Variants in PRDM8 observed in about 807,000 individuals in gnomAD.
PRDM8 encodes PR domain zinc finger protein 8.
PRDM8 carries 13 observed loss-of-function variants against 46.5 expected under a neutral mutation model. The observed-to-expected ratio is 0.28, with a 90% CI of 0.18 to 0.44. The LOEUF is 0.44. Ranked by LOEUF, PRDM8 falls within the 20% of genes least tolerant of loss-of-function variation. PRDM8 has a pLI of 1.00. For synonymous variants in PRDM8, 473 were observed against 438.4 expected (o/e 1.08, Z -0.98); for missense variants, 998 against 955.0 (o/e 1.04, Z -0.59).
chr4:80,192,252 A>G (rs1737605933), intron 2 of PRDM8, among the ~76,000 whole-genome samples: 1 of 152,170 alleles, frequency 6.6e-6, no homozygotes, highest in East Asian at 1.9e-4. Flanking sequence ...TAGTCTGCCC[A>G]GGATATATAT....
rs576717761 is a variant in PRDM8, at chr4:80,197,708, A to G, written c.-58A>G. The G allele has an allele frequency of 3.7e-5, 36 of 982,902 alleles. No homozygotes were observed. The African/African-American group carries it at 5.6e-4, about 15-fold the overall frequency. 60.9% of individuals were successfully genotyped at this position (982,902 alleles called of 1,614,324 possible). ...TAGGCAAAAGGAAACACTCGATTGC[A>G]TCTTCCCGGTTCCAGGTGGCCTTAT... On this transcript the variant is annotated 5_prime_UTR_variant, in exon 1 of 4. Coordinates refer to ENST00000415738, the MANE Select transcript of PRDM8 (RefSeq NM_001099403.2).
intron 1 of PRDM8, among the ~76,000 whole-genome samples, chr4:80,190,893 C>T (rs937393775): frequency 1.3e-5 from 2 of 152,128 alleles, no homozygotes; most frequent in South Asian, 2.1e-4. Context: ...TAGGGGAACC[C>T]CACTTATCTG....
chr4:80,193,801 C>A (rs886195791), upstream of PRDM8, among the ~76,000 whole-genome samples: 2 of 152,164 alleles, frequency 1.3e-5, no homozygotes, highest in East Asian at 3.9e-4. Context: ...TTTTTCCCCC[C>A]CTTTCACCAT....
upstream of PRDM8, chr4:80,197,325 G>T (rs937816653): frequency 1.0e-6 from 1 of 964,892 alleles, no homozygotes; most frequent in East Asian, 1.2e-4. Context: ...GTTGCCACCC[G>T]GGGTAGGCGC....
At position 80,202,803 on chromosome 4, in the gene PRDM8, C is replaced by A. The variant is rs1274600417; in HGVS notation, c.1341C>A (p.Ser447Arg). Residue 447 changes from serine to arginine, a missense_variant, in exon 4 of 4, where the codon AGC becomes AGA. By Grantham distance (110) the Ser-to-Arg change is moderately radical (BLOSUM62 -1). Transcript: ENST00000415738. ...CGCGGCCTGGGGGCCCGCTGCCCAG[C>A]CGGCTCGAGGGCGGCAGTCCTGCGA... is the stretch of plus-strand genomic sequence containing the variant. ...LAPRPGGPLP[S>R]RLEGGSPARG... is the part of the protein sequence containing the mutation. 7.3e-6 allele frequency: 9 copies of A among 1,228,094 alleles called. No individual in the cohort carries two copies. The highest frequency in any genetic ancestry group is 3.1e-4 in the Middle Eastern group (1 of 3,182). 76.1% of individuals were successfully genotyped at this position (1,228,094 alleles called of 1,614,324 possible).
In PRDM8 at chr4:80,204,163, A is replaced by T. The variant is rs981413941; in HGVS notation, c.*631A>T. 2 of 152,658 alleles carry T rather than the reference A, an allele frequency of 1.3e-5. No homozygotes were observed. The highest frequency in any genetic ancestry group is 1.3e-4 in the Admixed American group (2 of 15,286). The allele number at this position is 152,658 out of a possible 1,614,324, so 9.5% of individuals were successfully genotyped here. On this transcript the variant is annotated 3_prime_UTR_variant, in exon 4 of 4. Coordinates refer to ENST00000415738, the MANE Select transcript of PRDM8 (RefSeq NM_001099403.2). The stretch of plus-strand genomic sequence containing the variant: ...ACTTCAATGAAGAATGTCATCAATT[A>T]TGTACATATGTATTTTCTTTTAATA...
chr4:80,203,084 C>T lies in PRDM8; in HGVS notation c.1622C>T (p.Ala541Val). 1 of 1,569,636 alleles carries T rather than the reference C, an allele frequency of 6.4e-7. No homozygotes were observed. Residue 541 changes from alanine to valine, a missense_variant, in exon 4 of 4, where the codon GCC becomes GTC. Physicochemically the swap from Ala to Val is moderately conservative, Grantham distance 64. Transcript: ENST00000415738. ...GGCCCCACCAGACTCTATCCCGCCGCCGCGGACCCTCTAGCGGTGAAGCTC... is the reference window on the plus strand; with the variant it reads ...GGCCCCACCAGACTCTATCCCGCCGTCGCGGACCCTCTAGCGGTGAAGCTC... ...GVGPTRLYPA[A>V]ADPLAVKLQG...
chr4:80,197,792 G>A (rs201943371), intron 1 of PRDM8, 29 bp downstream of exon 1: 3 of 984,874 alleles, frequency 3.0e-6, no homozygotes, highest in Non-Finnish European at 3.6e-6. Context: ...ATGTGGGAGG[G>A]GGATGGGAGG....
At chr4:80,189,442 C>T (rs7671372) in intron 1 of PRDM8, among the ~76,000 whole-genome samples, 11,113 of 151,856 alleles carry the variant, frequency 0.073, 716 homozygotes, top group African/African-American at 0.17. Flanking sequence ...GGGAGGTGCG[C>T]GGTGCGGGCT....
At chr4:80,185,768 G>A (rs555809097) in intron 1 of PRDM8, among the ~76,000 whole-genome samples, 326 of 152,302 alleles carry the variant, frequency 2.1e-3, no homozygotes, top group Middle Eastern at 0.01. Flanking sequence ...CTATCATGTC[G>A]TTCAATTAAT....
At chr4:80,190,775 G>A (rs1358985001) in intron 1 of PRDM8, among the ~76,000 whole-genome samples, 1 of 152,198 alleles carries the variant, frequency 6.6e-6, no homozygotes, top group Non-Finnish European at 1.5e-5. Flanking sequence ...AAACTCAGCT[G>A]TGTGGGGCCT....
chr4:80,190,801 A>T (rs1366494918), intron 1 of PRDM8, among the ~76,000 whole-genome samples: 2 of 152,142 alleles, frequency 1.3e-5, no homozygotes, highest in East Asian at 3.9e-4. Flanking sequence ...AGGAGCAGCT[A>T]ATTCAGTCCC....
At chr4:80,197,257 GCA>G, upstream of PRDM8, 1 of 984,270 alleles carries the variant, frequency 1.0e-6, no homozygotes, top group South Asian at 4.7e-5. Flanking sequence ...TCCCCTCCTA[GCA>G]GTCCCAGAGG....
intron 1 of PRDM8, among the ~76,000 whole-genome samples, chr4:80,188,264 G>A (rs924240751): frequency 9.9e-5 from 15 of 152,248 alleles, no homozygotes; most frequent in Middle Eastern, 6.8e-3. Context: ...TTTAAACTTT[G>A]GGCATTTCTT....
At chr4:80,193,809 C>T (rs1462533287), upstream of PRDM8, among the ~76,000 whole-genome samples, 2 of 152,176 alleles carry the variant, frequency 1.3e-5, no homozygotes, top group East Asian at 3.9e-4. Flanking sequence ...CCCCTTTCAC[C>T]ATGAATTGCC....
chr4:80,185,836 A>G (rs1459167367), intron 1 of PRDM8, among the ~76,000 whole-genome samples: 3 of 152,090 alleles, frequency 2.0e-5, no homozygotes, highest in Admixed American at 2.0e-4. Context: ...CATAATCGTA[A>G]TTTGCGTCAT....
At position 80,202,568 on chromosome 4, in the gene PRDM8, G is replaced by C. The variant is rs1248916261; in HGVS notation, c.1106G>C (p.Arg369Pro). The C allele has an allele frequency of 2.6e-6, 4 of 1,534,260 alleles. No individual in the cohort carries two copies. The East Asian group carries it at 9.8e-5, about 38-fold the overall frequency. ...GSYFGLEENG[R>P]LFAPPSPETG... Reference sequence around the variant, plus strand: ...TACTTCGGCCTGGAAGAGAACGGCCGCCTCTTCGCGCCGCCAAGTCCCGAG... The same window carrying C: ...TACTTCGGCCTGGAAGAGAACGGCCCCCTCTTCGCGCCGCCAAGTCCCGAG... The change falls in exon 4 of 4, where the codon CGC becomes CCC. Residue 369 changes from arginine (R) to proline (P), a missense_variant. By Grantham distance (103) the Arg-to-Pro change is moderately radical. Coordinates refer to ENST00000415738, the MANE Select transcript of PRDM8 (RefSeq NM_001099403.2).
chr4:80,201,196 G>C, intron 2 of PRDM8, 94 bp from the exon 3 acceptor site: 1 of 1,232,440 alleles, frequency 8.1e-7, no homozygotes. Flanking sequence ...GACTAACATA[G>C]AAGAAATGGT....
intron 1 of PRDM8, among the ~76,000 whole-genome samples, chr4:80,189,092 G>A (rs1737344762): frequency 6.6e-6 from 1 of 152,308 alleles, no homozygotes; most frequent in African/African-American, 2.4e-5. Context: ...GGAAGGTCAC[G>A]CGCGCTCTAG....
Sources: gnomAD v4.1 joint callset for allele counts (sites outside exome capture counted in the v4.1 genomes callset) on GRCh38, gnomAD v4.1.1 for gene constraint, MANE v1.5 for transcripts, NCBI Gene and HGNC (gene_info 2026-07-23, HGNC 2026-07-21) for gene names.